The following GNE variants were observed in gnomAD, a reference collection of about 807,000 sequenced individuals.
The protein encoded by GNE is bifunctional UDP-N-acetylglucosamine 2-epimerase/N-acetylmannosamine kinase.
Under a neutral mutation model 61.8 loss-of-function variants are expected in GNE, and 41 were observed. The ratio of observed to expected loss-of-function variants is 0.66; its 90% CI spans 0.52 to 0.86. GNE has a LOEUF of 0.86. GNE is among the 40% of genes least tolerant of loss of function. The probability of loss-of-function intolerance (pLI) is 0.00; values close to 1 mark genes in which losing one functional copy is unlikely to be tolerated. For missense variants in GNE, 608 were observed against 909.1 expected, an observed-to-expected ratio of 0.67 and a Z score of 4.26; for synonymous variants, 264 against 326.4, an observed-to-expected ratio of 0.81 and a Z score of 2.06.
At chr9:36,222,033 C>T (rs896472573) in intron 9 of GNE, among the ~76,000 whole-genome samples, 2 of 152,162 alleles carry the variant, frequency 1.3e-5, no homozygotes, top group Admixed American at 6.5e-5. Flanking sequence ...CTGCCTGTCA[C>T]CTCCCTGGAG....
At chr9:36,219,640 C>T (rs1828493013) in intron 10 of GNE, among the ~76,000 whole-genome samples, 198 bp downstream of exon 10, 1 of 152,178 alleles carries the variant, frequency 6.6e-6, no homozygotes, top group South Asian at 2.1e-4. Context: ...TGTCCACCAC[C>T]ACCCCTGGGG....
rs1831154842 is a variant in GNE at position 36,274,093 on chromosome 9, TG to T, written c.51+2800del. Among the ~76,000 whole-genome samples, 3 of 150,556 alleles carry T rather than the reference TG, an allele frequency of 2.0e-5. No individual in the cohort carries two copies. The South Asian group carries it at 6.4e-4, about 32-fold the overall frequency. On this transcript the variant is annotated intron_variant, in intron 1 of 11. Coordinates refer to the GNE transcript ENST00000396594. The stretch of plus-strand genomic sequence containing the variant: ...CTGTGTGTGTGTGTGTGTGTGTGTG[TG>T]TGTGTGTGTGTGTGTGTGTGTGACA...
At chr9:36,267,015 G>A (rs1447675322) in intron 1 of GNE, among the ~76,000 whole-genome samples, 2 of 152,164 alleles carry the variant, frequency 1.3e-5, no homozygotes, top group African/African-American at 2.4e-5. Flanking sequence ...ACACTGAGCC[G>A]AGATCGTGCC....
At position 36,223,516 on chromosome 9, in the gene GNE, C is replaced by T. The variant is rs1828704420; in HGVS notation, c.1282-14G>A. The T allele has an allele frequency of 6.2e-7, 1 of 1,609,268 alleles. No homozygotes were observed. The highest frequency in any genetic ancestry group is 1.3e-5 in the African/African-American group (1 of 74,934). ...AACTATTTCACCCTAAAAGAGAAAA[C>T]AACAAGTTCCGTCTTACTGGTCTTA... On this transcript the variant is annotated splice_polypyrimidine_tract_variant and intron_variant, in intron 7 of 11. Transcript: ENST00000642385.
rs1042019823 is a variant in GNE, at chr9:36,217,112, T to C, written c.*253A>G. 10 of 523,610 alleles carry C rather than the reference T, an allele frequency of 1.9e-5. No individual in the cohort carries two copies. The highest frequency in any genetic ancestry group is 5.2e-4 in the Middle Eastern group (1 of 1,934). The allele number at this position is 523,610 out of a possible 1,614,324, so 32.4% of individuals were successfully genotyped here. ...ATTGTAGCTGCTTTGGCACAGAAAATTGTGACTGTAACTTACAGGGTTTGA... is the reference window on the plus strand; with the variant it reads ...ATTGTAGCTGCTTTGGCACAGAAAACTGTGACTGTAACTTACAGGGTTTGA... On this transcript the variant is annotated 3_prime_UTR_variant, in exon 12 of 12. Coordinates refer to ENST00000642385, the MANE Select transcript of GNE (RefSeq NM_005476.7).
intron 2 of GNE, among the ~76,000 whole-genome samples, chr9:36,247,513 G>A (rs1391634221): frequency 6.6e-6 from 1 of 151,868 alleles, no homozygotes; most frequent in Non-Finnish European, 1.5e-5. Flanking sequence ...CCTATTTAAC[G>A]GTCTCATCAG....
At chr9:36,219,556 A>G (rs914845446) in intron 10 of GNE, among the ~76,000 whole-genome samples, 6 of 151,952 alleles carry the variant, frequency 3.9e-5, no homozygotes, top group Admixed American at 6.6e-5. Context: ...TGTATTAAGT[A>G]CCCTCCCTGT....
At chr9:36,269,664 C>CTT (rs71336438) in intron 1 of GNE, among the ~76,000 whole-genome samples, 36,785 of 133,630 alleles carry the variant, frequency 0.28, 5,698 homozygotes, top group South Asian at 0.37. Flanking sequence ...TTTCTTCTTT[C>CTT]TTTTTTTTTT....
chr9:36,254,372 AT>A (rs1039291494), intron 1 of GNE, among the ~76,000 whole-genome samples: 3 of 151,416 alleles, frequency 2.0e-5, no homozygotes, highest in African/African-American at 7.3e-5. Context: ...CTACAAACAA[AT>A]TTTTTTTAAT....
At chr9:36,274,115 T>TGTGTGTGTGTGTGA (rs1273335048) in intron 1 of GNE, among the ~76,000 whole-genome samples, 4 of 144,696 alleles carry the variant, frequency 2.8e-5, no homozygotes, top group African/African-American at 1.0e-4. Context: ...TGTGTGTGTG[T>TGTGTGTGTGTGTGA]GACAGGGTCT....
intron 6 of GNE, 68 bp from the exon 7 acceptor site, chr9:36,227,526 T>C (rs1828937135): frequency 1.0e-6 from 1 of 978,720 alleles, no homozygotes. Flanking sequence ...AGTGAGGGTA[T>C]AATGTAATGG....
intron 1 of GNE, among the ~76,000 whole-genome samples, chr9:36,274,959 C>T (rs569254742): frequency 4.4e-4 from 67 of 152,250 alleles, no homozygotes; most frequent in African/African-American, 1.5e-3. Context: ...CTCCTGACCT[C>T]GTGATCCGCC....
At position 36,236,998 on chromosome 9, in the gene GNE, A is replaced by C; in HGVS notation, c.617-14T>G. ...TTACATCATCACCTGTTTAAAGAAA[A>C]TCAAACCACATTGCTTCATTAGTTA... On this transcript the variant is annotated splice_polypyrimidine_tract_variant and intron_variant, in intron 3 of 11. Coordinates refer to ENST00000642385, the MANE Select transcript of GNE (RefSeq NM_005476.7). 6.3e-7 allele frequency: 1 copy of C among 1,594,920 alleles called. No homozygotes were observed. Among genetic ancestry groups the C allele is most frequent in the Non-Finnish European group, 8.6e-7 (1 of 1,163,198 alleles).
chr9:36,261,385 C>T (rs1169529820), upstream of GNE, among the ~76,000 whole-genome samples: 3 of 151,532 alleles, frequency 2.0e-5, no homozygotes, highest in Non-Finnish European at 2.9e-5. Flanking sequence ...GGTGACACCC[C>T]GTCTCTACTA....
rs1462460832 is a variant in GNE at position 36,216,933 on chromosome 9, A to G, written c.*432T>C. The G allele has an allele frequency of 9.0e-6, 2 of 221,554 alleles. No individual in the cohort carries two copies. The highest frequency in any genetic ancestry group is 1.8e-5 in the Non-Finnish European group (2 of 110,224). The allele number at this position is 221,554 out of a possible 1,614,324, so 13.7% of individuals were successfully genotyped here. On this transcript the variant is annotated 3_prime_UTR_variant, in exon 12 of 12. Transcript: ENST00000642385. ...GTGATCCGCCCGCCTCGGCCTCCCA[A>G]AGTGCTGGGATTACAGGCGTGAGCC...
chr9:36,223,106 A>C (rs994602188), intron 8 of GNE, 108 bp from the exon 9 acceptor site: 9 of 1,062,254 alleles, frequency 8.5e-6, no homozygotes, highest in Admixed American at 7.1e-5. Flanking sequence ...AGATCTCCTA[A>C]GACAAACGTT....
chr9:36,253,490 C>T (rs985905402), intron 1 of GNE, among the ~76,000 whole-genome samples: 2 of 151,110 alleles, frequency 1.3e-5, no homozygotes, highest in Non-Finnish European at 2.9e-5. Flanking sequence ...GTTGTCCAGG[C>T]CAGTCTCAAA....
chr9:36,256,390 G>A (rs1329402101), intron 1 of GNE, among the ~76,000 whole-genome samples: 2 of 150,808 alleles, frequency 1.3e-5, no homozygotes, highest in South Asian at 2.1e-4. Context: ...GATCACAGGC[G>A]CCTGCCACCA....
intron 1 of GNE, among the ~76,000 whole-genome samples, chr9:36,268,371 A>C (rs1830887584): frequency 6.6e-6 from 1 of 152,132 alleles, no homozygotes; most frequent in Non-Finnish European, 1.5e-5. Context: ...TTCTCATTAA[A>C]AGTTATGTGG....
Sources: gnomAD v4.1 joint callset for allele counts (sites outside exome capture counted in the v4.1 genomes callset) on GRCh38, gnomAD v4.1.1 for gene constraint, MANE v1.5 for transcripts, NCBI Gene and HGNC (gene_info 2026-07-23, HGNC 2026-07-21) for gene names.